Variants in RALGAPA2 observed in about 807,000 individuals in gnomAD.
RALGAPA2 encodes the protein ral GTPase-activating protein subunit alpha-2.
Under a neutral mutation model 230.4 loss-of-function variants are expected in RALGAPA2, and 139 were observed. That is an observed-to-expected ratio of 0.60 (90% CI 0.53 to 0.69). The LOEUF is 0.69. Ranked by LOEUF, RALGAPA2 falls within the 30% of genes least tolerant of loss-of-function variation. The pLI, the probability that RALGAPA2 is intolerant of heterozygous loss-of-function variation, is 0.00. For synonymous variants in RALGAPA2, 847 were observed against 837.8 expected (o/e 1.01, Z -0.19); for missense variants, 2,163 against 2,276.0 (o/e 0.95, Z 1.01).
At chr20:20,597,380 T>C (rs2065487980) in intron 16 of RALGAPA2, among the ~76,000 whole-genome samples, 1 of 152,222 alleles carries the variant, frequency 6.6e-6, no homozygotes, top group Non-Finnish European at 1.5e-5. Flanking sequence ...TTTTCACCTT[T>C]AATAGTTACT....
At chr20:20,686,561 A>G (rs527417361) in intron 1 of RALGAPA2, among the ~76,000 whole-genome samples, 1 of 152,138 alleles carries the variant, frequency 6.6e-6, no homozygotes, top group East Asian at 1.9e-4. Context: ...AGGGCTAACA[A>G]TGGTTCTTAC....
chr20:20,508,366 C>T (rs1222417563), intron 33 of RALGAPA2, among the ~76,000 whole-genome samples: 2 of 152,342 alleles, frequency 1.3e-5, no homozygotes, highest in East Asian at 1.9e-4. Flanking sequence ...TAACAATCTT[C>T]CCTTCCTCAT....
chr20:20,466,279 G>A (rs899976946), intron 37 of RALGAPA2, among the ~76,000 whole-genome samples: 2 of 152,244 alleles, frequency 1.3e-5, no homozygotes, highest in Admixed American at 1.3e-4. Context: ...CAGCATGGCT[G>A]ACAAACTCAA....
chr20:20,436,966 G>A (rs2060630040), intron 37 of RALGAPA2, among the ~76,000 whole-genome samples: 1 of 152,180 alleles, frequency 6.6e-6, no homozygotes, highest in African/African-American at 2.4e-5. Flanking sequence ...ACCAAGCTCC[G>A]GGGCTAACTA....
At chr20:20,698,373 GT>G in intron 1 of RALGAPA2, among the ~76,000 whole-genome samples, 1 of 151,628 alleles carries the variant, frequency 6.6e-6, no homozygotes, top group East Asian at 1.9e-4. Context: ...TGGGTTCAAG[GT>G]TTTTGGTTTT....
At chr20:20,453,106 T>A (rs2061027548) in intron 37 of RALGAPA2, among the ~76,000 whole-genome samples, 2 of 152,252 alleles carry the variant, frequency 1.3e-5, no homozygotes, top group Non-Finnish European at 2.9e-5. Flanking sequence ...TGCGTTTGCA[T>A]AATACATTAA....
chr20:20,400,730 C>T (rs1163791147), intron 38 of RALGAPA2, among the ~76,000 whole-genome samples: 6 of 152,096 alleles, frequency 3.9e-5, no homozygotes, highest in African/African-American at 9.7e-5. Flanking sequence ...CCACAGAGGA[C>T]CCGAACATTC....
At chr20:20,402,567 G>C (rs2059868077) in intron 38 of RALGAPA2, among the ~76,000 whole-genome samples, 1 of 152,220 alleles carries the variant, frequency 6.6e-6, no homozygotes, top group African/African-American at 2.4e-5. Context: ...TATGTTCTGT[G>C]GTGCTGGAGT....
chr20:20,502,993 G>C (rs2062421766), intron 35 of RALGAPA2, among the ~76,000 whole-genome samples: 1 of 152,154 alleles, frequency 6.6e-6, no homozygotes, highest in East Asian at 1.9e-4. Context: ...GCAACAGTGG[G>C]GCGGCTGAGC....
chr20:20,478,086 A>G (rs539234877), intron 36 of RALGAPA2, among the ~76,000 whole-genome samples: 2 of 152,336 alleles, frequency 1.3e-5, no homozygotes, highest in South Asian at 4.1e-4. Context: ...CTAAAAAGCT[A>G]TTGACAACAA....
chr20:20,583,070 G>T lies in RALGAPA2; in HGVS notation c.2687C>A (p.Thr896Asn), dbSNP rs1342593417. 1 of 1,613,162 alleles carries T rather than the reference G, an allele frequency of 6.2e-7. No individual in the cohort carries two copies. Among genetic ancestry groups the T allele is most frequent in the Admixed American group, 1.7e-5 (1 of 59,862 alleles). The change falls in exon 20 of 40, where the codon ACC becomes AAC. Residue 896 changes from threonine (T) to asparagine (N), a missense_variant. Thr to Asn is a moderately conservative substitution (Grantham distance 65). Transcript: ENST00000202677. ...TTTACCTGTTAAATTTGAAGCATCG[G>T]TGGGACTCAGTTGTAACCAATGACG... ...DARHWLQLSPTDASNLTDSSE... is the reference protein window; with the variant it reads ...DARHWLQLSPNDASNLTDSSE...
At chr20:20,482,430 T>C (rs550617296) in intron 36 of RALGAPA2, among the ~76,000 whole-genome samples, 2 of 152,074 alleles carry the variant, frequency 1.3e-5, no homozygotes, top group East Asian at 1.9e-4. Context: ...ATGTAGGAAG[T>C]GGTCATGACA....
At chr20:20,509,849 G>C (rs931460822) in intron 33 of RALGAPA2, among the ~76,000 whole-genome samples, 4 of 152,114 alleles carry the variant, frequency 2.6e-5, no homozygotes, top group African/African-American at 9.7e-5. Context: ...TATCTACTCA[G>C]TCCTTAGTGA....
intron 21 of RALGAPA2, 132 bp downstream of exon 21, chr20:20,572,743 C>G: frequency 1.3e-6 from 1 of 776,448 alleles, no homozygotes; most frequent in Non-Finnish European, 1.9e-6. Context: ...CTTTGATAAT[C>G]AAATGGACTT....
chr20:20,675,905 G>A (rs2068307592), intron 3 of RALGAPA2, among the ~76,000 whole-genome samples: 2 of 151,692 alleles, frequency 1.3e-5, no homozygotes, highest in South Asian at 2.1e-4. Context: ...TTTTTTACAG[G>A]GCAGTTTCTC....
intron 37 of RALGAPA2, among the ~76,000 whole-genome samples, chr20:20,458,254 G>A (rs1215153903): frequency 6.6e-6 from 1 of 151,822 alleles, no homozygotes; most frequent in Non-Finnish European, 1.5e-5. Context: ...GGAATTTATT[G>A]TCGAAGATGG....
intron 31 of RALGAPA2, among the ~76,000 whole-genome samples, chr20:20,515,955 G>C (rs1325295111): frequency 1.3e-5 from 2 of 152,142 alleles, no homozygotes; most frequent in African/African-American, 4.8e-5. Context: ...GGCAGATCTG[G>C]GTTCTGCGTG....
intron 26 of RALGAPA2, among the ~76,000 whole-genome samples, chr20:20,533,815 T>TA (rs1249976291): frequency 8.6e-5 from 13 of 151,832 alleles, no homozygotes; most frequent in East Asian, 3.9e-4. Context: ...AAGACATCAG[T>TA]AAAAAAAGAT....
intron 37 of RALGAPA2, among the ~76,000 whole-genome samples, chr20:20,455,224 G>A (rs909700929): frequency 6.6e-5 from 10 of 152,220 alleles, no homozygotes; most frequent in African/African-American, 1.4e-4. Flanking sequence ...AGGCTGCCAC[G>A]GATTAGAGCT....
Sources: gnomAD v4.1 joint callset for allele counts (sites outside exome capture counted in the v4.1 genomes callset) on GRCh38, gnomAD v4.1.1 for gene constraint, MANE v1.5 for transcripts, NCBI Gene and HGNC (gene_info 2026-07-23, HGNC 2026-07-21) for gene names.